FOXP1: variants seen among roughly 807,000 people sequenced by gnomAD.
The protein encoded by FOXP1 is forkhead box protein P1.
Under a neutral mutation model 98.2 loss-of-function variants are expected in FOXP1, and 15 were observed. The ratio of observed to expected loss-of-function variants is 0.15; its 90% CI spans 0.10 to 0.24. The LOEUF (loss-of-function observed/expected upper bound fraction) is 0.24, where lower values mean the gene tolerates loss of function less well. FOXP1 is among the 10% of genes least tolerant of loss of function. The pLI, the probability that FOXP1 is intolerant of heterozygous loss-of-function variation, is 1.00. For missense variants in FOXP1, 633 were observed against 848.5 expected (o/e 0.75, Z 3.15); for synonymous variants, 371 against 314.5 (o/e 1.18, Z -1.90).
chr3:71,513,616 G>C (rs993460578), intron 2 of FOXP1, among the ~76,000 whole-genome samples: 2 of 152,190 alleles, frequency 1.3e-5, no homozygotes, highest in Admixed American at 1.3e-4. Context: ...CTGTGTGAAA[G>C]TTGATTATAC....
At chr3:71,450,086 T>C (rs2086800947) in intron 3 of FOXP1, among the ~76,000 whole-genome samples, 1 of 152,164 alleles carries the variant, frequency 6.6e-6, no homozygotes, top group African/African-American at 2.4e-5. Flanking sequence ...CATTTACAAA[T>C]AAACAGGTTT....
At chr3:71,249,434 A>C (rs1271188412) in intron 5 of FOXP1, among the ~76,000 whole-genome samples, 1 of 152,204 alleles carries the variant, frequency 6.6e-6, no homozygotes, top group African/African-American at 2.4e-5. Context: ...TTCCTCACCT[A>C]ATCTTTACAA....
intron 2 of FOXP1, among the ~76,000 whole-genome samples, chr3:71,521,116 G>C (rs992927329): frequency 2.0e-5 from 3 of 152,168 alleles, no homozygotes; most frequent in Admixed American, 2.0e-4. Context: ...AGGTGGTGTG[G>C]GGGAGGGGGT....
At chr3:71,491,498 C>A (rs1228443864) in intron 3 of FOXP1, among the ~76,000 whole-genome samples, 1 of 152,226 alleles carries the variant, frequency 6.6e-6, no homozygotes, top group Non-Finnish European at 1.5e-5. Context: ...AATTTCATGA[C>A]TCCATTAACC....
rs562126686 is a variant in FOXP1, at chr3:71,047,323, G to A, written c.511-228C>T. Among the ~76,000 whole-genome samples, 3 of 152,194 alleles carry A rather than the reference G, an allele frequency of 2.0e-5. No individual in the cohort carries two copies. In the South Asian group the frequency reaches 6.2e-4, roughly 32 times the overall value. ...GCCCGCTCCCATAAACACATAATTCGTCCATCAAGCCAGCTTTCCCCCCAG... is the reference window on the plus strand; with the variant it reads ...GCCCGCTCCCATAAACACATAATTCATCCATCAAGCCAGCTTTCCCCCCAG... On this transcript the variant is annotated intron_variant, in intron 9 of 20. Coordinates refer to ENST00000649528, the MANE Select transcript of FOXP1 (RefSeq NM_001349338.3).
chr3:71,183,886 C>T (rs1463423114), intron 6 of FOXP1, among the ~76,000 whole-genome samples: 2 of 152,198 alleles, frequency 1.3e-5, no homozygotes, highest in African/African-American at 2.4e-5. Context: ...GGCGTGGTGG[C>T]TCACGTCTGT....
At chr3:71,053,242 A>C (rs1005779384) in intron 8 of FOXP1, among the ~76,000 whole-genome samples, 1 of 152,198 alleles carries the variant, frequency 6.6e-6, no homozygotes, top group African/African-American at 2.4e-5. Flanking sequence ...TAAAGAAAAA[A>C]AATCTGTAAG....
At chr3:71,092,498 C>A (rs1161356298) in intron 7 of FOXP1, among the ~76,000 whole-genome samples, 1 of 152,130 alleles carries the variant, frequency 6.6e-6, no homozygotes, top group African/African-American at 2.4e-5. Flanking sequence ...CACGTTCCTC[C>A]CCCTCAGATT....
chr3:71,546,477 T>C (rs1159742458), intron 2 of FOXP1, among the ~76,000 whole-genome samples: 2 of 151,994 alleles, frequency 1.3e-5, no homozygotes, highest in African/African-American at 4.8e-5. Flanking sequence ...TTAAGAAACT[T>C]TTCGATGATG....
intron 17 of FOXP1, among the ~76,000 whole-genome samples, chr3:70,975,889 T>C (rs951543896): frequency 3.3e-5 from 5 of 152,124 alleles, no homozygotes; most frequent in African/African-American, 1.2e-4. Context: ...GCTGCTGACC[T>C]GGGAATGAGG....
intron 6 of FOXP1, among the ~76,000 whole-genome samples, chr3:71,145,655 C>G (rs960359713): frequency 6.6e-6 from 1 of 152,228 alleles, no homozygotes; most frequent in Non-Finnish European, 1.5e-5. Context: ...TCCACATCTT[C>G]ACCCTCACTT....
chr3:71,217,727 T>C (rs2065051545), intron 5 of FOXP1, among the ~76,000 whole-genome samples: 1 of 151,988 alleles, frequency 6.6e-6, no homozygotes, highest in Non-Finnish European at 1.5e-5. Flanking sequence ...TGGGATGAAA[T>C]GAGCTTTACA....
chr3:71,179,689 G>A (rs2062170595), intron 6 of FOXP1, among the ~76,000 whole-genome samples: 1 of 152,190 alleles, frequency 6.6e-6, no homozygotes, highest in East Asian at 1.9e-4. Flanking sequence ...TGGTGGCAAT[G>A]AGAATACAAA....
chr3:71,465,467 A>C (rs961203008), intron 3 of FOXP1, among the ~76,000 whole-genome samples: 2 of 152,192 alleles, frequency 1.3e-5, no homozygotes, highest in African/African-American at 4.8e-5. Context: ...GAATTTGCTT[A>C]AGATGGAACA....
At chr3:71,010,560 G>C (rs1285970767) in intron 12 of FOXP1, among the ~76,000 whole-genome samples, 1 of 152,066 alleles carries the variant, frequency 6.6e-6, no homozygotes, top group African/African-American at 2.4e-5. Context: ...ACAGAAAATA[G>C]GTGAAAATAA....
Position 71,276,955 on chromosome 3 carries a change from C to CAT in FOXP1, c.-12+22864_-12+22865insAT, listed in dbSNP as rs1217608544. ...CTGTTCTACTTTTTAAGTAGATCAA[C>CAT]TTTTTTTTTTTTTTTTTTTTAGAGA... On this transcript the variant is annotated intron_variant, in intron 5 of 20. Coordinates refer to ENST00000649528, the MANE Select transcript of FOXP1 (RefSeq NM_001349338.3). Among the ~76,000 whole-genome samples, 11 of 129,480 alleles carry CAT rather than the reference C, an allele frequency of 8.5e-5. 1 individual carries two copies. Among genetic ancestry groups the CAT allele is most frequent in the Non-Finnish European group, 1.5e-4 (9 of 61,584 alleles). The allele number at this position is 129,480 out of a possible 152,430, so 84.9% of individuals were successfully genotyped here. A position where few individuals can be genotyped will look rare whatever the true frequency, so the allele number is the denominator to read the frequency against.
At chr3:71,008,894 A>T (rs2043144239) in intron 12 of FOXP1, among the ~76,000 whole-genome samples, 1 of 151,978 alleles carries the variant, frequency 6.6e-6, no homozygotes, top group African/African-American at 2.4e-5. Context: ...TAGACCTGTG[A>T]GTCCCCCCCA....
intron 2 of FOXP1, among the ~76,000 whole-genome samples, chr3:71,531,784 T>C (rs889254002): frequency 2.6e-5 from 4 of 152,138 alleles, no homozygotes; most frequent in African/African-American, 9.7e-5. Flanking sequence ...CTGGGAACGT[T>C]TGTGTGTTCA....
chr3:71,559,656 G>A (rs2046391606), intron 2 of FOXP1, among the ~76,000 whole-genome samples: 1 of 152,098 alleles, frequency 6.6e-6, no homozygotes, highest in Non-Finnish European at 1.5e-5. Context: ...GACCAACCTG[G>A]GCAAAACTGT....
Sources: gnomAD v4.1 joint callset for allele counts (sites outside exome capture counted in the v4.1 genomes callset) on GRCh38, gnomAD v4.1.1 for gene constraint, MANE v1.5 for transcripts, NCBI Gene and HGNC (gene_info 2026-07-23, HGNC 2026-07-21) for gene names.